Variants in KCNN4 observed in about 807,000 individuals in gnomAD.
The protein encoded by KCNN4 is potassium calcium-activated channel subfamily N member 4.
Under a neutral mutation model 45.2 loss-of-function variants are expected in KCNN4, and 31 were observed. That is an observed-to-expected ratio of 0.69 (90% CI 0.52 to 0.92). KCNN4 has a LOEUF of 0.92. KCNN4 is among the 40% of genes least tolerant of loss of function. The pLI, the probability that KCNN4 is intolerant of heterozygous loss-of-function variation, is 0.00. For missense variants in KCNN4, 463 were observed against 574.0 expected (o/e 0.81, Z 1.98); for synonymous variants, 231 against 254.6 (o/e 0.91, Z 0.88).
At chr19:43,770,766 A>G (rs1427748302) in intron 4 of KCNN4, among the ~76,000 whole-genome samples, 1 of 152,192 alleles carries the variant, frequency 6.6e-6, no homozygotes, top group Non-Finnish European at 1.5e-5. Flanking sequence ...CCGGAAAAGT[A>G]AGCTTTTATG....
intron 1 of KCNN4, among the ~76,000 whole-genome samples, chr19:43,778,416 T>A: frequency 6.6e-6 from 1 of 152,128 alleles, no homozygotes; most frequent in Non-Finnish European, 1.5e-5. Context: ...ATTTTTTGTG[T>A]TTTTAGTAGA....
At chr19:43,775,132 C>G (rs113695181) in intron 2 of KCNN4, among the ~76,000 whole-genome samples, 12,152 of 152,222 alleles carry the variant, frequency 0.08, 721 homozygotes, top group African/African-American at 0.17. Context: ...TTGAGACAAG[C>G]CTGGCCAACA....
chr19:43,772,149 T>C lies in KCNN4; in HGVS notation c.684-14A>G. 1.2e-6 allele frequency: 2 copies of C among 1,612,648 alleles called. No homozygotes were observed. The highest frequency in any genetic ancestry group is 2.2e-5 in the South Asian group (2 of 90,784). On this transcript the variant is annotated splice_polypyrimidine_tract_variant and intron_variant, in intron 3 of 8. Transcript: ENST00000648319. The surrounding 1 kb of genome is among the most constrained non-coding windows in gnomAD (Gnocchi z 4.4). ...TTAACAGCCTGCCTATGGGGAAGGG[T>C]AGGTTAGTTCTAAAACCCCACCATA...
chr19:43,775,061 T>C (rs998435516), intron 2 of KCNN4, among the ~76,000 whole-genome samples: 27 of 152,316 alleles, frequency 1.8e-4, no homozygotes, highest in African/African-American at 2.9e-4. Context: ...CGCGATGGCT[T>C]ACGCCTGTAA....
chr19:43,779,461 C>T (rs998922018), intron 1 of KCNN4, among the ~76,000 whole-genome samples: 6 of 152,088 alleles, frequency 3.9e-5, no homozygotes, highest in African/African-American at 1.4e-4. Context: ...AGATCCAAGT[C>T]GGAACATCAG....
Position 43,769,376 on chromosome 19 carries a change from G to A in KCNN4, c.1049+66C>T, listed in dbSNP as rs1969574565. ...ACAGGCATGGACATGCACACACACA[G>A]CCGTGCAGAGAGGTGACTTGGACAT... On this transcript the variant is annotated intron_variant, in intron 6 of 8. Transcript: ENST00000648319. The surrounding 1 kb of genome is among the most constrained non-coding windows in gnomAD (Gnocchi z 4.4). 1.6e-6 allele frequency: 2 copies of A among 1,276,604 alleles called. No homozygotes were observed. The highest frequency in any genetic ancestry group is 2.4e-5 in the South Asian group (2 of 83,564). The allele number at this position is 1,276,604 out of a possible 1,614,324, so 79.1% of individuals were successfully genotyped here. A position where few individuals can be genotyped will look rare whatever the true frequency, so the allele number is the denominator to read the frequency against.
At position 43,769,068 on chromosome 19, in the gene KCNN4, T is replaced by C. The variant is rs1416799814; in HGVS notation, c.1050-36A>G. On this transcript the variant is annotated intron_variant, in intron 6 of 8. Coordinates refer to ENST00000648319, the MANE Select transcript of KCNN4 (RefSeq NM_002250.3). The surrounding 1 kb of genome is among the most constrained non-coding windows in gnomAD (Gnocchi z 4.4). ...AAGTGGGGAGTCAGTTTTACAAGCCTGGTCCCTGAATGTAGCTGTAGCTCA... is the reference window on the plus strand; with the variant it reads ...AAGTGGGGAGTCAGTTTTACAAGCCCGGTCCCTGAATGTAGCTGTAGCTCA... The C allele has an allele frequency of 6.2e-7, 1 of 1,607,622 alleles. No homozygotes were observed. Among genetic ancestry groups the C allele is most frequent in the East Asian group, 2.2e-5 (1 of 44,834 alleles).
rs200425698 is a variant in KCNN4, at chr19:43,769,443, C to T, written c.1048G>A (p.Ala350Thr). The change falls in exon 6 of 9, where the codon GCG (alanine) becomes ACG (threonine). Residue 350 changes from alanine to threonine, a missense_variant and splice_region_variant. Ala to Thr is a moderately conservative substitution (Grantham distance 58). Coordinates refer to ENST00000648319, the MANE Select transcript of KCNN4 (RefSeq NM_002250.3). The surrounding 1 kb of genome is among the most constrained non-coding windows in gnomAD (Gnocchi z 4.4). ...HQRKLLAAIN[A>T]FRQVRLKHRK... The stretch of plus-strand genomic sequence containing the variant: ...GTGTGCATACAAAGCGGCCCTCACG[C>T]GTTGATGGCGGCCAGCAGCTTGCGC... 2.1e-5 allele frequency: 34 copies of T among 1,613,014 alleles called. No homozygotes were observed. Among genetic ancestry groups the T allele is most frequent in the African/African-American group, 4.0e-5 (3 of 74,908 alleles).
intron 1 of KCNN4, among the ~76,000 whole-genome samples, chr19:43,777,872 T>G (rs1275812517): frequency 1.3e-5 from 2 of 151,976 alleles, no homozygotes; most frequent in Non-Finnish European, 2.9e-5. Flanking sequence ...GGCTGCCAGC[T>G]CCCCTGGCTG....
In KCNN4 at chr19:43,770,173, CCTT is replaced by C. The variant is rs1599673333; in HGVS notation, c.820-347_820-345del. On this transcript the variant is annotated intron_variant, in intron 4 of 8. Transcript: ENST00000648319. ...CCATTGCACTGTGGAGGGCGACCAT[CCTT>C]CTCCCACTCCCACAACTTCTTCCTA... Among the ~76,000 whole-genome samples the C allele has an allele frequency of 2.0e-5, 3 of 152,198 alleles. No homozygotes were observed. In the East Asian group the frequency reaches 5.8e-4, roughly 29 times the overall value.
chr19:43,768,858 G>A (rs934263923), intron 7 of KCNN4, 105 bp downstream of exon 7: 2 of 1,015,776 alleles, frequency 2.0e-6, no homozygotes, highest in Non-Finnish European at 3.1e-6. Context: ...GACAGGCTGT[G>A]TGTGCCAGGC....
At chr19:43,778,389 G>A (rs966565947) in intron 1 of KCNN4, among the ~76,000 whole-genome samples, 3 of 152,160 alleles carry the variant, frequency 2.0e-5, no homozygotes, top group Non-Finnish European at 4.4e-5. Flanking sequence ...ACAGGCACAC[G>A]CCGCCATGCC....
chr19:43,774,089 C>A lies in KCNN4; in HGVS notation c.683+103G>T. 8.2e-7 allele frequency: 1 copy of A among 1,218,232 alleles called. No homozygotes were observed. The highest frequency in any genetic ancestry group is 1.1e-6 in the Non-Finnish European group (1 of 880,232). The allele number at this position is 1,218,232 out of a possible 1,614,324, so 75.5% of individuals were successfully genotyped here. A position where few individuals can be genotyped will look rare whatever the true frequency, so the allele number is the denominator to read the frequency against. On this transcript the variant is annotated intron_variant, in intron 3 of 8. Coordinates refer to ENST00000648319, the MANE Select transcript of KCNN4 (RefSeq NM_002250.3). The surrounding 1 kb of genome is among the most constrained non-coding windows in gnomAD (Gnocchi z 5.6). ...AAGGGGTCAAAGTGTGAACTTTCTC[C>A]ACTGCTTGGTCCTAGGGGGCCTCAA...
intron 8 of KCNN4, chr19:43,767,333 A>G (rs1969507844): frequency 3.4e-6 from 2 of 592,120 alleles, no homozygotes; most frequent in Admixed American, 3.0e-5. Flanking sequence ...AAGGCCATCA[A>G]GGGTCAGTGA....
At chr19:43,767,734 G>T (rs1456681410) in intron 7 of KCNN4, 27 bp from the exon 8 acceptor site, 1 of 1,613,410 alleles carries the variant, frequency 6.2e-7, no homozygotes, top group Non-Finnish European at 8.5e-7. Flanking sequence ...GATCAGAGGT[G>T]TCGGGGCTGG....
At position 43,772,939 on chromosome 19, in the gene KCNN4, G is replaced by T. The variant is rs1969683624; in HGVS notation, c.684-804C>A. On this transcript the variant is annotated intron_variant, in intron 3 of 8. Transcript: ENST00000648319. The surrounding 1 kb of genome is among the most constrained non-coding windows in gnomAD (Gnocchi z 4.4). The stretch of plus-strand genomic sequence containing the variant: ...CATCATTCAATTGAGAAACATGGTG[G>T]GGGGATCATTCATTAATCCTGATTC... Among the ~76,000 whole-genome samples, 1 of 152,174 alleles carries T rather than the reference G, an allele frequency of 6.6e-6. No individual in the cohort carries two copies. The highest frequency in any genetic ancestry group is 1.5e-5 in the Non-Finnish European group (1 of 68,030).
At position 43,774,425 on chromosome 19, in the gene KCNN4, C is replaced by T. The variant is rs1419565444; in HGVS notation, c.450G>A (p.Ala150=). The T allele has an allele frequency of 6.3e-7, 1 of 1,596,854 alleles. No homozygotes were observed. Among genetic ancestry groups the T allele is most frequent in the Non-Finnish European group, 8.5e-7 (1 of 1,171,786 alleles). The change falls in exon 3 of 9, where the codon GCG becomes GCA. Residue 150 remains alanine (A), a synonymous_variant. Coordinates refer to ENST00000648319, the MANE Select transcript of KCNN4 (RefSeq NM_002250.3). The surrounding 1 kb of genome is among the most constrained non-coding windows in gnomAD (Gnocchi z 5.6). Reference sequence around the variant, plus strand: ...GCAGCAGCATGGCCAGGGACAGCAGCGCTTCCCCTTGGCCCAGGAATCCCG... The same window carrying T: ...GCAGCAGCATGGCCAGGGACAGCAGTGCTTCCCCTTGGCCCAGGAATCCCG... The part of the protein sequence containing the change: ...PWPGFLGQGE[A]LLSLAMLLRL...
At position 43,774,607 on chromosome 19, in the gene KCNN4, C is replaced by T. The variant is rs201871514; in HGVS notation, c.268G>A (p.Asp90Asn). Residue 90 changes from aspartate (D) to asparagine (N), a missense_variant, in exon 3 of 9, where the codon GAC (aspartate) becomes AAC (asparagine). Asp to Asn is a conservative substitution (Grantham distance 23, BLOSUM62 1). Transcript: ENST00000648319. This position sits in a 1 kb window ranked among gnomAD's most constrained non-coding sequence, Gnocchi z 5.6. ...ACGCGCCAGTCCCGCAGCCCGTTGT[C>T]GGTCATGAACAGCTGCCGGTAGGGG... The part of the protein sequence containing the change: ...HAKEVQLFMT[D>N]NGLRDWRVAL... The T allele has an allele frequency of 6.7e-7, 1 of 1,500,882 alleles. No homozygotes were observed. The highest frequency in any genetic ancestry group is 8.8e-7 in the Non-Finnish European group (1 of 1,134,308). 93.0% of individuals were successfully genotyped at this position (1,500,882 alleles called of 1,614,324 possible). A position where few individuals can be genotyped will look rare whatever the true frequency, so the allele number is the denominator to read the frequency against.
intron 4 of KCNN4, among the ~76,000 whole-genome samples, chr19:43,770,504 A>G (rs910498097): frequency 6.6e-6 from 1 of 152,182 alleles, no homozygotes; most frequent in Admixed American, 6.5e-5. Context: ...CCTGTCCCCA[A>G]GTTAGAAGGA....
Sources: allele counts gnomAD v4.1 joint callset (sites outside exome capture counted in the v4.1 genomes callset), GRCh38; gene constraint gnomAD v4.1.1; non-coding constraint Gnocchi (gnomAD v3.1); transcripts MANE v1.5; gene names NCBI Gene and HGNC (gene_info 2026-07-23, HGNC 2026-07-21).